DLG2: variants seen among roughly 807,000 people sequenced by gnomAD.
The protein encoded by DLG2 is discs large MAGUK scaffold protein 2.
In DLG2, 45 loss-of-function variants were observed where a neutral mutation model predicts 132.5. The observed-to-expected ratio is 0.34, with a 90% confidence interval of 0.27 to 0.44. The LOEUF (loss-of-function observed/expected upper bound fraction) is 0.44, where lower values mean the gene tolerates loss of function less well. Ranked by LOEUF, DLG2 falls within the 20% of genes least tolerant of loss-of-function variation. The probability of loss-of-function intolerance (pLI) is 1.00; values close to 1 mark genes in which losing one functional copy is unlikely to be tolerated. For synonymous variants in DLG2, 424 were observed against 419.6 expected (o/e 1.01, Z -0.13); for missense variants, 1,045 against 1,196.9 (o/e 0.87, Z 1.87).
In DLG2 at chr11:83,735,015, C is replaced by T. The variant is rs79804129; in HGVS notation, c.1825+51675G>A. Among the ~76,000 whole-genome samples, 967 of 152,206 alleles carry T rather than the reference C, an allele frequency of 6.4e-3. 7 individuals are homozygous for T. Among genetic ancestry groups the T allele is most frequent in the African/African-American group, 0.022 (915 of 41,512 alleles). On this transcript the variant is annotated intron_variant, in intron 18 of 27. Coordinates refer to ENST00000376104, the MANE Select transcript of DLG2 (RefSeq NM_001142699.3). ...GCCTCTACTCACCTGTTTGTCTTGT[C>T]ACCTTTGTGTAGGGGTTAAACTGTA... is the stretch of plus-strand genomic sequence containing the variant.
intron 14 of DLG2, among the ~76,000 whole-genome samples, chr11:83,931,837 T>A (rs1448996893): frequency 6.6e-6 from 1 of 152,214 alleles, no homozygotes; most frequent in Non-Finnish European, 1.5e-5. Flanking sequence ...TTGCTTTCAG[T>A]CACCTTCAGG....
chr11:84,788,825 G>T (rs2073368995), intron 6 of DLG2, among the ~76,000 whole-genome samples: 1 of 152,150 alleles, frequency 6.6e-6, no homozygotes, highest in Non-Finnish European at 1.5e-5. Context: ...ATAAACAAAT[G>T]TATCAAAGTT....
chr11:84,043,098 T>C (rs1034877264), intron 11 of DLG2, among the ~76,000 whole-genome samples: 1 of 151,618 alleles, frequency 6.6e-6, no homozygotes, highest in African/African-American at 2.4e-5. Context: ...ATTGCCTAAA[T>C]AAATTAATTA....
At chr11:84,990,463 T>C (rs191001265) in intron 6 of DLG2, among the ~76,000 whole-genome samples, 2 of 152,192 alleles carry the variant, frequency 1.3e-5, no homozygotes, top group African/African-American at 2.4e-5. Flanking sequence ...CAAATCACCA[T>C]AAAACAGAAA....
chr11:85,362,199 C>T (rs1431643399), intron 3 of DLG2, among the ~76,000 whole-genome samples: 1 of 152,146 alleles, frequency 6.6e-6, no homozygotes, highest in African/African-American at 2.4e-5. Context: ...CAAGCCGTTT[C>T]CCACCTTGGG....
chr11:83,541,297 C>T (rs2096060726), intron 20 of DLG2, among the ~76,000 whole-genome samples: 1 of 152,104 alleles, frequency 6.6e-6, no homozygotes, highest in Non-Finnish European at 1.5e-5. Context: ...CTTCATTTGC[C>T]TTCGACTTGG....
intron 18 of DLG2, among the ~76,000 whole-genome samples, chr11:83,766,413 T>A (rs897618274): frequency 2.7e-5 from 4 of 150,220 alleles, no homozygotes; most frequent in Non-Finnish European, 3.0e-5. Context: ...TTTTTTTTTT[T>A]ATAATGAGTT....
In DLG2 at chr11:85,270,486, G is replaced by T. The variant is rs145160746; in HGVS notation, c.186+14734C>A. Among the ~76,000 whole-genome samples, 281 of 152,302 alleles carry T rather than the reference G, an allele frequency of 1.8e-3. 1 individual carries two copies. The highest frequency in any genetic ancestry group is 3.1e-3 in the Non-Finnish European group (209 of 68,030). On this transcript the variant is annotated intron_variant, in intron 4 of 27. Transcript: ENST00000376104. ...TACAGTAATTTGGTACTGACAGTGG[G>T]GTGCTGCTGAAAAGATACCTGAAAA...
chr11:85,155,775 C>T (rs1299979501), intron 4 of DLG2, among the ~76,000 whole-genome samples: 1 of 151,190 alleles, frequency 6.6e-6, no homozygotes, highest in Non-Finnish European at 1.5e-5. Flanking sequence ...GAGGCTGAGG[C>T]AGGAGAGTCA....
At chr11:84,192,717 G>A (rs973141253) in intron 8 of DLG2, among the ~76,000 whole-genome samples, 1 of 151,992 alleles carries the variant, frequency 6.6e-6, no homozygotes, top group African/African-American at 2.4e-5. Context: ...GCGACAGGGC[G>A]AGACTCCATC....
At chr11:83,942,787 TTATCACCACACACACAAA>T (rs1213206853) in intron 14 of DLG2, among the ~76,000 whole-genome samples, 1 of 152,258 alleles carries the variant, frequency 6.6e-6, no homozygotes, top group Admixed American at 6.5e-5. Context: ...ATCTTGAATG[TTATCACCACACACACAAA>T]AAAGGTAACT....
intron 10 of DLG2, among the ~76,000 whole-genome samples, chr11:84,095,213 A>G (rs934044460): frequency 5.9e-5 from 9 of 152,178 alleles, no homozygotes; most frequent in Non-Finnish European, 1.0e-4. Context: ...AAAACTGCTT[A>G]GAGACAGAGA....
chr11:84,743,599 C>T (rs967195733), intron 6 of DLG2, among the ~76,000 whole-genome samples: 20 of 152,024 alleles, frequency 1.3e-4, no homozygotes, highest in African/African-American at 4.3e-4. Context: ...ACTTACATGA[C>T]GATGTGAGAA....
chr11:84,071,150 T>C (rs1480273619), intron 10 of DLG2, among the ~76,000 whole-genome samples: 1 of 152,238 alleles, frequency 6.6e-6, no homozygotes, highest in Non-Finnish European at 1.5e-5. Flanking sequence ...TGTAGTGCAG[T>C]GGCACAATCA....
chr11:84,072,413 G>A (rs929088740), intron 10 of DLG2, among the ~76,000 whole-genome samples: 2 of 152,228 alleles, frequency 1.3e-5, no homozygotes, highest in Non-Finnish European at 2.9e-5. Context: ...TAGCAAGAGA[G>A]ATAGGAAAAA....
chr11:84,700,612 A>G (rs892284844), intron 6 of DLG2, among the ~76,000 whole-genome samples: 7 of 151,644 alleles, frequency 4.6e-5, no homozygotes. Context: ...TTCATCTCAC[A>G]TATTTGGAAT....
intron 21 of DLG2, among the ~76,000 whole-genome samples, chr11:83,500,704 AAATTT>A (rs1183125299): frequency 3.9e-5 from 6 of 152,086 alleles, no homozygotes; most frequent in Non-Finnish European, 8.8e-5. Context: ...CTTTATTAAT[AAATTT>A]ATTTATTGAA....
chr11:83,707,802 T>A (rs1455036980), intron 18 of DLG2, among the ~76,000 whole-genome samples: 2 of 152,220 alleles, frequency 1.3e-5, no homozygotes, highest in African/African-American at 4.8e-5. Context: ...GTCTTAATCA[T>A]CTTTATATCC....
At chr11:83,992,085 G>A (rs936310225) in intron 11 of DLG2, among the ~76,000 whole-genome samples, 6 of 152,152 alleles carry the variant, frequency 3.9e-5, no homozygotes, top group Non-Finnish European at 8.8e-5. Flanking sequence ...AGCTAGGGAA[G>A]AAGCGTGGAA....
Sources: gnomAD v4.1 joint callset for allele counts (sites outside exome capture counted in the v4.1 genomes callset) on GRCh38, gnomAD v4.1.1 for gene constraint, MANE v1.5 for transcripts, NCBI Gene and HGNC (gene_info 2026-07-23, HGNC 2026-07-21) for gene names.